Variants in CNTN5 observed in about 807,000 individuals in gnomAD.
CNTN5 encodes contactin 5.
A neutral mutation model predicts 129.1 loss-of-function variants in CNTN5; 77 were observed. The ratio of observed to expected loss-of-function variants is 0.60; its 90% CI spans 0.50 to 0.72. The LOEUF (loss-of-function observed/expected upper bound fraction) is 0.72, where lower values mean the gene tolerates loss of function less well. Ranked by LOEUF, CNTN5 falls within the 30% of genes least tolerant of loss-of-function variation. CNTN5 has a pLI of 0.00. For missense variants in CNTN5, 1,478 were observed against 1,328.8 expected, an observed-to-expected ratio of 1.11 and a Z score of -1.75; for synonymous variants, 509 against 465.6, an observed-to-expected ratio of 1.09 and a Z score of -1.20.
intron 3 of CNTN5, among the ~76,000 whole-genome samples, chr11:99,588,463 G>A (rs2135656881): frequency 6.6e-6 from 1 of 151,848 alleles, no homozygotes; most frequent in East Asian, 1.9e-4. Context: ...AGATTAAGAA[G>A]AGGAAAAGAA....
At chr11:100,148,712 A>G (rs1263294695) in intron 13 of CNTN5, among the ~76,000 whole-genome samples, 33 of 89,464 alleles carry the variant, frequency 3.7e-4, no homozygotes. Flanking sequence ...CAGGTCAGAT[A>G]GATATATCTA....
chr11:100,309,160 G>A (rs1951416906), intron 21 of CNTN5: 1 of 984,948 alleles, frequency 1.0e-6, no homozygotes, highest in African/African-American at 1.7e-5. Flanking sequence ...GGGGGATAAT[G>A]TCTAAAAGAA....
intron 13 of CNTN5, among the ~76,000 whole-genome samples, chr11:100,135,176 G>GTT (rs10652749): frequency 0.11 from 14,372 of 126,968 alleles, 1,057 homozygotes; most frequent in African/African-American, 0.12. Flanking sequence ...ATATAAAAGT[G>GTT]TTTTTTTTTT....
At chr11:99,206,207 G>A (rs751913393) in intron 1 of CNTN5, among the ~76,000 whole-genome samples, 3 of 152,038 alleles carry the variant, frequency 2.0e-5, no homozygotes, top group Admixed American at 1.3e-4. Flanking sequence ...ATTTATTTCC[G>A]AAAGATTTCT....
chr11:99,711,525 A>G (rs974874754), intron 3 of CNTN5, among the ~76,000 whole-genome samples: 10 of 151,944 alleles, frequency 6.6e-5, no homozygotes, highest in Admixed American at 5.9e-4. Context: ...GTACATATGC[A>G]TAATGTGCAG....
At chr11:100,201,993 C>G (rs1322594076) in intron 15 of CNTN5, among the ~76,000 whole-genome samples, 1 of 151,966 alleles carries the variant, frequency 6.6e-6, no homozygotes, top group African/African-American at 2.4e-5. Context: ...ACATCTCTCA[C>G]CTGTTGAATG....
At chr11:100,224,229 T>G (rs892997892) in intron 15 of CNTN5, among the ~76,000 whole-genome samples, 1 of 152,186 alleles carries the variant, frequency 6.6e-6, no homozygotes, top group Non-Finnish European at 1.5e-5. Context: ...TTCTGTTGCC[T>G]ACAGTGTTCT....
intron 3 of CNTN5, among the ~76,000 whole-genome samples, chr11:99,585,902 A>G (rs975139193): frequency 6.6e-6 from 1 of 152,170 alleles, no homozygotes. Flanking sequence ...AAGCAGGTGA[A>G]TGGCAATGAC....
chr11:100,332,367 G>A (rs1030061912), intron 21 of CNTN5, among the ~76,000 whole-genome samples: 6 of 151,918 alleles, frequency 3.9e-5, no homozygotes, highest in Non-Finnish European at 7.4e-5. Flanking sequence ...AAAAAAAGTC[G>A]AGGATCACAT....
intron 2 of CNTN5, among the ~76,000 whole-genome samples, chr11:99,422,529 TATATATATA>T (rs1565569305): frequency 4.6e-4 from 22 of 48,196 alleles, no homozygotes; most frequent in African/African-American, 1.1e-3. Context: ...TATATATATA[TATATATATA>T]TATATATATA....
intron 13 of CNTN5, among the ~76,000 whole-genome samples, chr11:100,102,815 C>T (rs766638843): frequency 5.9e-5 from 9 of 152,066 alleles, no homozygotes; most frequent in Non-Finnish European, 1.0e-4. Flanking sequence ...TTTCTCCCTT[C>T]TGTATTACCA....
intron 1 of CNTN5, among the ~76,000 whole-genome samples, chr11:99,285,621 T>C (rs1005034747): frequency 4.0e-5 from 6 of 151,712 alleles, no homozygotes; most frequent in Non-Finnish European, 8.8e-5. Context: ...TGAAGATTCC[T>C]TTGTATTGTG....
intron 3 of CNTN5, among the ~76,000 whole-genome samples, chr11:99,750,736 C>T (rs1944204715): frequency 6.6e-6 from 1 of 152,154 alleles, no homozygotes; most frequent in South Asian, 2.1e-4. Flanking sequence ...AGCATTTATA[C>T]TTATCACACG....
chr11:99,679,087 CAT>C (rs1953434831), intron 3 of CNTN5, among the ~76,000 whole-genome samples: 3 of 142,718 alleles, frequency 2.1e-5, no homozygotes, highest in Non-Finnish European at 4.5e-5. Context: ...ATAGGAAATA[CAT>C]ATACACACAT....
intron 2 of CNTN5, among the ~76,000 whole-genome samples, chr11:99,406,749 C>T (rs1428585761): frequency 6.6e-6 from 1 of 152,186 alleles, no homozygotes; most frequent in African/African-American, 2.4e-5. Context: ...TGCAGCTGAT[C>T]TAGCATTCAG....
At chr11:99,738,218 A>G (rs1018955611) in intron 3 of CNTN5, among the ~76,000 whole-genome samples, 2 of 152,154 alleles carry the variant, frequency 1.3e-5, no homozygotes, top group Non-Finnish European at 2.9e-5. Flanking sequence ...AGATGAGGTC[A>G]TTAGGATGGG....
intron 4 of CNTN5, among the ~76,000 whole-genome samples, chr11:99,832,298 G>A (rs533829880): frequency 6.6e-6 from 1 of 152,138 alleles, no homozygotes; most frequent in East Asian, 1.9e-4. Flanking sequence ...AAATCCCAAC[G>A]AGGCAAAAAC....
chr11:99,128,218 G>A (rs1858744384), intron 1 of CNTN5, among the ~76,000 whole-genome samples: 1 of 152,102 alleles, frequency 6.6e-6, no homozygotes, highest in Non-Finnish European at 1.5e-5. Context: ...CAGCACAGCA[G>A]CCTGGAGTCT....
intron 3 of CNTN5, among the ~76,000 whole-genome samples, chr11:99,641,850 A>G (rs918819323): frequency 1.3e-5 from 2 of 152,148 alleles, no homozygotes; most frequent in Non-Finnish European, 2.9e-5. Context: ...AATAGCAACA[A>G]TAGCTAACAT....
Sources: allele counts gnomAD v4.1 joint callset (sites outside exome capture counted in the v4.1 genomes callset), GRCh38; gene constraint gnomAD v4.1.1; transcripts MANE v1.5; gene names NCBI Gene and HGNC (gene_info 2026-07-23, HGNC 2026-07-21).